The following DLGAP1 variants were observed in gnomAD, a reference collection of about 807,000 sequenced individuals.
DLGAP1 encodes DLG associated protein 1.
Under a neutral mutation model 90.8 loss-of-function variants are expected in DLGAP1, and 11 were observed. The observed-to-expected ratio is 0.12, with a 90% CI of 0.08 to 0.20. The LOEUF (loss-of-function observed/expected upper bound fraction) is 0.20, where lower values mean the gene tolerates loss of function less well. DLGAP1 is among the 10% of genes least tolerant of loss of function. The pLI is 1.00. For synonymous variants in DLGAP1, 558 were observed against 540.7 expected (o/e 1.03, Z -0.44); for missense variants, 1,050 against 1,333.8 (o/e 0.79, Z 3.31).
chr18:4,071,284 GA>G (rs2075442880), intron 2 of DLGAP1, among the ~76,000 whole-genome samples: 1 of 151,898 alleles, frequency 6.6e-6, no homozygotes, highest in East Asian at 1.9e-4. Context: ...AATATTTATT[GA>G]AAAACCCAAA....
chr18:3,772,819 T>C (rs1022113390), intron 5 of DLGAP1, among the ~76,000 whole-genome samples: 1 of 152,068 alleles, frequency 6.6e-6, no homozygotes, highest in Non-Finnish European at 1.5e-5. Context: ...AGCATCTGCA[T>C]TGTAACAGGA....
At chr18:4,349,443 T>C (rs2081363265) in intron 1 of DLGAP1, among the ~76,000 whole-genome samples, 1 of 151,984 alleles carries the variant, frequency 6.6e-6, no homozygotes, top group African/African-American at 2.4e-5. Context: ...AAAATGACAT[T>C]TGTGGCACAA....
chr18:4,354,887 C>CAAAAAAAAAAAAAAAAAAAAA (rs60379984), intron 1 of DLGAP1, among the ~76,000 whole-genome samples: 5 of 23,874 alleles, frequency 2.1e-4, no homozygotes, highest in African/African-American at 4.5e-4. Flanking sequence ...TTACTCTCAC[C>CAAAAAAAAAAAAAAAAAAAAA]AAAAAAAAAA....
intron 2 of DLGAP1, among the ~76,000 whole-genome samples, chr18:4,116,827 T>C (rs1459714412): frequency 6.6e-6 from 1 of 152,250 alleles, no homozygotes; most frequent in Admixed American, 6.5e-5. Flanking sequence ...GATGTCATTG[T>C]CTGCTAAGTC....
intron 7 of DLGAP1, among the ~76,000 whole-genome samples, chr18:3,647,668 G>T (rs927687062): frequency 6.6e-6 from 1 of 151,922 alleles, no homozygotes; most frequent in Non-Finnish European, 1.5e-5. Context: ...GTTTCACCAT[G>T]TTGACCAGGC....
At chr18:3,534,699 T>A (rs1478221294) in intron 9 of DLGAP1, 84 bp from the exon 10 acceptor site, 7 of 1,297,972 alleles carry the variant, frequency 5.4e-6, no homozygotes, top group Non-Finnish European at 7.1e-6. Flanking sequence ...TCTTTCTTTT[T>A]TTTTTTTTTT....
At chr18:4,270,700 C>A (rs1373502325) in intron 1 of DLGAP1, among the ~76,000 whole-genome samples, 2 of 152,050 alleles carry the variant, frequency 1.3e-5, no homozygotes, top group African/African-American at 4.8e-5. Context: ...GACAAGCATT[C>A]TATGGCTATT....
chr18:3,968,229 G>GT lies in DLGAP1; in HGVS notation c.-73+36886dup, dbSNP rs201629639. Among the ~76,000 whole-genome samples the GT allele has an allele frequency of 6.4e-4, 97 of 152,142 alleles. No homozygotes were observed. The East Asian group carries it at 0.014, about 23-fold the overall frequency. ...ATCTTAAATCCTTCACTGACCCTTA[G>GT]TATCTTTCCTTTAATATTTAAATAT... On this transcript the variant is annotated intron_variant, in intron 3 of 12. Transcript: ENST00000315677.
chr18:4,035,881 A>G (rs932797861), intron 2 of DLGAP1, among the ~76,000 whole-genome samples: 1 of 152,162 alleles, frequency 6.6e-6, no homozygotes, highest in African/African-American at 2.4e-5. Context: ...TCCTAAGTAC[A>G]TAATCAGTCT....
chr18:3,987,898 AC>A (rs2073874606), intron 3 of DLGAP1, among the ~76,000 whole-genome samples: 2 of 152,134 alleles, frequency 1.3e-5, no homozygotes, highest in Non-Finnish European at 2.9e-5. Flanking sequence ...GTGGTGCCCA[AC>A]CTTTTTGGCA....
intron 1 of DLGAP1, among the ~76,000 whole-genome samples, chr18:4,168,459 T>A (rs1301233519): frequency 6.6e-6 from 1 of 152,174 alleles, no homozygotes; most frequent in Non-Finnish European, 1.5e-5. Context: ...CTAAGTACAT[T>A]AAAAATGTTG....
chr18:3,953,979 C>T (rs1322745062), intron 3 of DLGAP1, among the ~76,000 whole-genome samples: 1 of 152,138 alleles, frequency 6.6e-6, no homozygotes, highest in Non-Finnish European at 1.5e-5. Context: ...ATCATCATCA[C>T]CATCGGATTG....
At chr18:3,756,142 C>A (rs190734109) in intron 5 of DLGAP1, among the ~76,000 whole-genome samples, 260 of 152,138 alleles carry the variant, frequency 1.7e-3, no homozygotes, top group African/African-American at 5.9e-3. Flanking sequence ...CTCCGCCTCC[C>A]GGGTTCACGC....
At chr18:3,768,374 C>T (rs976883634) in intron 5 of DLGAP1, among the ~76,000 whole-genome samples, 2 of 152,038 alleles carry the variant, frequency 1.3e-5, no homozygotes, top group African/African-American at 2.4e-5. Flanking sequence ...TGTCAATTCT[C>T]CCCAAATTGA....
intron 3 of DLGAP1, among the ~76,000 whole-genome samples, chr18:3,959,785 C>CTAA (rs1555714921): frequency 6.6e-6 from 1 of 152,098 alleles, no homozygotes; most frequent in Non-Finnish European, 1.5e-5. Flanking sequence ...ATTAATGTTA[C>CTAA]TAATATATTT....
chr18:4,431,346 A>G (rs946727180), intron 1 of DLGAP1, among the ~76,000 whole-genome samples: 1 of 152,218 alleles, frequency 6.6e-6, no homozygotes, highest in African/African-American at 2.4e-5. Flanking sequence ...ACTTGGGTAT[A>G]AACACTTGTT....
At chr18:4,166,856 A>G (rs2076941645) in intron 1 of DLGAP1, among the ~76,000 whole-genome samples, 1 of 152,240 alleles carries the variant, frequency 6.6e-6, no homozygotes, top group African/African-American at 2.4e-5. Context: ...AAAAAGTAGA[A>G]TAGTCATTAG....
chr18:3,933,918 T>C (rs566184746), intron 3 of DLGAP1, among the ~76,000 whole-genome samples: 2 of 152,262 alleles, frequency 1.3e-5, no homozygotes, highest in South Asian at 2.1e-4. Flanking sequence ...CAGTCTCCTA[T>C]AGTCATACTG....
At chr18:3,640,627 T>G (rs2058903979) in intron 7 of DLGAP1, among the ~76,000 whole-genome samples, 1 of 152,240 alleles carries the variant, frequency 6.6e-6, no homozygotes, top group African/African-American at 2.4e-5. Context: ...TCTGATCCTG[T>G]GCTCTTCCTA....
Sources: gnomAD v4.1 joint callset for allele counts (sites outside exome capture counted in the v4.1 genomes callset) on GRCh38, gnomAD v4.1.1 for gene constraint, MANE v1.5 for transcripts, NCBI Gene and HGNC (gene_info 2026-07-23, HGNC 2026-07-21) for gene names.